Variants in TANGO6 observed in about 807,000 individuals in gnomAD.
TANGO6 encodes the protein transport and golgi organization 6 homolog, also known as transport and Golgi organization protein 6 homolog.
TANGO6 carries 90 observed loss-of-function variants against 114.2 expected under a neutral mutation model. That is an observed-to-expected ratio of 0.79 (90% confidence interval 0.66 to 0.94). The LOEUF (loss-of-function observed/expected upper bound fraction) is 0.94, where lower values mean the gene tolerates loss of function less well. Among genes scored for constraint, TANGO6 ranks in the 40% least tolerant of loss-of-function variants. The pLI, the probability that TANGO6 is intolerant of heterozygous loss-of-function variation, is 0.00. For missense variants in TANGO6, 1,274 were observed against 1,315.3 expected, an observed-to-expected ratio of 0.97 and a Z score of 0.49; for synonymous variants, 477 against 509.8, an observed-to-expected ratio of 0.94 and a Z score of 0.87.
intron 17 of TANGO6, among the ~76,000 whole-genome samples, chr16:69,064,732 G>A (rs965367281): frequency 6.6e-6 from 1 of 152,086 alleles, no homozygotes; most frequent in African/African-American, 2.4e-5. Flanking sequence ...CATAAACTGG[G>A]GCTAATAATA....
At chr16:68,891,289 T>A (rs1376481053) in intron 7 of TANGO6, among the ~76,000 whole-genome samples, 2 of 123,958 alleles carry the variant, frequency 1.6e-5, no homozygotes, top group African/African-American at 3.4e-5. Context: ...CAAAACTCCA[T>A]CTCAAAAAAA....
At chr16:68,857,129 C>T (rs78048556) in intron 1 of TANGO6, among the ~76,000 whole-genome samples, 22,086 of 151,920 alleles carry the variant, frequency 0.15, 1,548 homozygotes, top group Admixed American at 0.16. Context: ...AAAACAAAAA[C>T]AAAAACCATG....
At chr16:68,994,938 T>C (rs1963978285) in intron 15 of TANGO6, among the ~76,000 whole-genome samples, 1 of 152,164 alleles carries the variant, frequency 6.6e-6, no homozygotes, top group Admixed American at 6.5e-5. Flanking sequence ...AAAGTTTGAA[T>C]GATTAAATAT....
chr16:68,870,821 G>A (rs994335042), intron 4 of TANGO6, among the ~76,000 whole-genome samples: 9 of 148,932 alleles, frequency 6.0e-5, no homozygotes, highest in Admixed American at 4.0e-4. Flanking sequence ...TTTTTGAGAC[G>A]GAATTTCGCT....
intron 17 of TANGO6, among the ~76,000 whole-genome samples, chr16:69,042,856 G>A (rs914069674): frequency 6.6e-6 from 1 of 152,186 alleles, no homozygotes; most frequent in Non-Finnish European, 1.5e-5. Flanking sequence ...GAATGGAGGG[G>A]TATACAGGGA....
At chr16:68,961,209 A>G (rs1963586537) in intron 14 of TANGO6, among the ~76,000 whole-genome samples, 2 of 152,160 alleles carry the variant, frequency 1.3e-5, no homozygotes, top group Admixed American at 6.6e-5. Flanking sequence ...GACCTTATAT[A>G]CTTGAAACTG....
chr16:69,025,060 G>A (rs1567561028), intron 16 of TANGO6, among the ~76,000 whole-genome samples: 1 of 152,108 alleles, frequency 6.6e-6, no homozygotes, highest in South Asian at 2.1e-4. Context: ...CTCCTGCCTC[G>A]GCCTCCCAAA....
chr16:69,046,063 CAA>C (rs61017260), intron 17 of TANGO6, among the ~76,000 whole-genome samples: 21 of 95,922 alleles, frequency 2.2e-4, no homozygotes, highest in South Asian at 3.9e-4. Context: ...GACTCCAACT[CAA>C]AAAAAAAAAA....
chr16:69,015,059 G>A (rs1487653395), intron 15 of TANGO6, among the ~76,000 whole-genome samples: 1 of 152,118 alleles, frequency 6.6e-6, no homozygotes, highest in Non-Finnish European at 1.5e-5. Context: ...TGGAGACTAG[G>A]GTACAATACA....
At chr16:68,928,523 A>G (rs958124615) in intron 13 of TANGO6, among the ~76,000 whole-genome samples, 1 of 151,908 alleles carries the variant, frequency 6.6e-6, no homozygotes, top group Non-Finnish European at 1.5e-5. Flanking sequence ...GATGGTCTCG[A>G]TCTCCTGACC....
In TANGO6 at chr16:68,875,272, C is replaced by T. The variant is rs1474710657; in HGVS notation, c.1113C>T (p.Tyr371=). 2.5e-6 allele frequency: 4 copies of T among 1,613,134 alleles called. No homozygotes were observed. The African/African-American group carries it at 5.3e-5, about 22-fold the overall frequency. Residue 371 remains tyrosine (Y), a synonymous_variant, in exon 5 of 18, where the codon TAC becomes TAT. Coordinates refer to ENST00000261778, the MANE Select transcript of TANGO6 (RefSeq NM_024562.2). The part of the protein sequence containing the change: ...PQQSLSPENY[Y]RDICPQVLDL... Reference sequence around the variant, plus strand: ...AGTCTCTTTCACCAGAGAATTACTACAGGGACATCTGCCCCCAGGTAAATC... The same window carrying T: ...AGTCTCTTTCACCAGAGAATTACTATAGGGACATCTGCCCCCAGGTAAATC...
chr16:69,026,341 A>AT (rs1959502055), intron 16 of TANGO6: 1 of 152,506 alleles, frequency 6.6e-6, no homozygotes. Context: ...ACATTATACC[A>AT]TCAACATTTA....
In TANGO6 at chr16:68,974,258, C is replaced by G. The variant is rs916382527; in HGVS notation, c.2842+90C>G. The G allele has an allele frequency of 1.4e-5, 21 of 1,492,202 alleles. No individual in the cohort carries two copies. In the South Asian group the frequency reaches 2.1e-4, roughly 15 times the overall value. The allele number at this position is 1,492,202 out of a possible 1,614,324, so 92.4% of individuals were successfully genotyped here. On this transcript the variant is annotated intron_variant, in intron 15 of 17. Coordinates refer to ENST00000261778, the MANE Select transcript of TANGO6 (RefSeq NM_024562.2). ...TGTGTGTACCTGGGGGCTTGTTACA[C>G]TAGTGTGGTGAGGGTAGTTTGAGGG...
intron 14 of TANGO6, among the ~76,000 whole-genome samples, chr16:68,934,922 G>A (rs903203260): frequency 3.3e-5 from 5 of 152,074 alleles, no homozygotes; most frequent in Admixed American, 2.6e-4. Flanking sequence ...AGTAATTTTC[G>A]TTGGTGTGCA....
At chr16:68,913,393 TA>T (rs1410915301) in intron 11 of TANGO6, among the ~76,000 whole-genome samples, 9 of 148,852 alleles carry the variant, frequency 6.0e-5, no homozygotes, top group African/African-American at 2.0e-4. Context: ...TATACCTCAA[TA>T]AAATTATTAA....
intron 16 of TANGO6, among the ~76,000 whole-genome samples, chr16:69,037,179 C>G (rs1459263484): frequency 1.3e-5 from 2 of 151,846 alleles, no homozygotes; most frequent in Non-Finnish European, 2.9e-5. Context: ...AAGGGAAAGC[C>G]CTTTTCCAGG....
At chr16:69,021,743 GGGGTCTA>G (rs1276049694) in intron 15 of TANGO6, among the ~76,000 whole-genome samples, 1 of 152,164 alleles carries the variant, frequency 6.6e-6, no homozygotes, top group Admixed American at 6.6e-5. Context: ...GCTGATGATT[GGGGTCTA>G]GGGTCTAGCC....
At chr16:69,063,524 C>CAAAA (rs1005170077) in intron 17 of TANGO6, among the ~76,000 whole-genome samples, 2 of 126,060 alleles carry the variant, frequency 1.6e-5, no homozygotes, top group Non-Finnish European at 3.4e-5. Flanking sequence ...GACCCCGTCT[C>CAAAA]AAAAAAAAAA....
At position 68,878,298 on chromosome 16, in the gene TANGO6, G is replaced by A. The variant is rs759872978; in HGVS notation, c.1294+18G>A. On this transcript the variant is annotated intron_variant, in intron 6 of 17. Transcript: ENST00000261778. ...TACAGCAGGTAAAGGAGGAAGTGTGGTGGCTGTGTGTGCCTCTAAAGGACC... is the reference window on the plus strand; with the variant it reads ...TACAGCAGGTAAAGGAGGAAGTGTGATGGCTGTGTGTGCCTCTAAAGGACC... 1.3e-6 allele frequency: 2 copies of A among 1,575,826 alleles called. No individual in the cohort carries two copies. The highest frequency in any genetic ancestry group is 1.7e-6 in the Non-Finnish European group (2 of 1,162,068).
Sources: gnomAD v4.1 joint callset for allele counts (sites outside exome capture counted in the v4.1 genomes callset) on GRCh38, gnomAD v4.1.1 for gene constraint, MANE v1.5 for transcripts, NCBI Gene and HGNC (gene_info 2026-07-23, HGNC 2026-07-21) for gene names.